PCDH9: variants seen among roughly 807,000 people sequenced by gnomAD.
PCDH9 encodes the protein protocadherin 9.
A neutral mutation model predicts 70.6 loss-of-function variants in PCDH9; 24 were observed. The observed-to-expected ratio is 0.34, with a 90% CI of 0.25 to 0.48. The LOEUF (loss-of-function observed/expected upper bound fraction) is 0.48. Ranked by LOEUF, PCDH9 falls within the 20% of genes least tolerant of loss-of-function variation. The pLI is 0.99. For synonymous variants in PCDH9, 562 were observed against 558.5 expected (o/e 1.01, Z -0.09); for missense variants, 1,281 against 1,503.6 (o/e 0.85, Z 2.45).
At chr13:66,772,929 A>C (rs979660729) in intron 3 of PCDH9, among the ~76,000 whole-genome samples, 1 of 152,100 alleles carries the variant, frequency 6.6e-6, no homozygotes, top group African/African-American at 2.4e-5. Flanking sequence ...AAAAAGTCTC[A>C]CAAGTATAGT....
At chr13:66,908,594 A>G (rs1329668712) in intron 2 of PCDH9, among the ~76,000 whole-genome samples, 1 of 152,176 alleles carries the variant, frequency 6.6e-6, no homozygotes, top group African/African-American at 2.4e-5. Flanking sequence ...ACATCTAGAA[A>G]CTAATAAAAT....
chr13:66,481,096 T>A (rs1958826749), intron 4 of PCDH9, among the ~76,000 whole-genome samples: 1 of 149,932 alleles, frequency 6.7e-6, no homozygotes, highest in Non-Finnish European at 1.5e-5. Flanking sequence ...TAAGTGGGAG[T>A]CGAACAATGA....
At chr13:67,014,780 C>T (rs2084525301) in intron 2 of PCDH9, among the ~76,000 whole-genome samples, 2 of 152,066 alleles carry the variant, frequency 1.3e-5, no homozygotes, top group Non-Finnish European at 2.9e-5. Context: ...ACTTCCATTG[C>T]CTCCATCCAC....
chr13:66,671,295 A>T (rs1308168430), intron 3 of PCDH9, among the ~76,000 whole-genome samples: 1 of 152,182 alleles, frequency 6.6e-6, no homozygotes, highest in Admixed American at 6.5e-5. Flanking sequence ...ATGGAATAAT[A>T]CAGTAATTTG....
chr13:66,853,226 A>AATG (rs1219082879), intron 3 of PCDH9, among the ~76,000 whole-genome samples: 1 of 150,296 alleles, frequency 6.7e-6, no homozygotes, highest in African/African-American at 2.4e-5. Flanking sequence ...TAATAATAAT[A>AATG]ATAATGATAA....
At chr13:66,712,126 A>T (rs1025111731) in intron 3 of PCDH9, among the ~76,000 whole-genome samples, 1 of 152,188 alleles carries the variant, frequency 6.6e-6, no homozygotes, top group Non-Finnish European at 1.5e-5. Context: ...AATAATATTT[A>T]ATTTGCCTGT....
chr13:66,694,640 G>A (rs2078533297), intron 3 of PCDH9, among the ~76,000 whole-genome samples: 1 of 151,620 alleles, frequency 6.6e-6, no homozygotes, highest in South Asian at 2.1e-4. Context: ...AAAGGAATAT[G>A]TATATAATAA....
chr13:66,841,294 G>GA (rs2081112402), intron 3 of PCDH9, among the ~76,000 whole-genome samples: 1 of 152,138 alleles, frequency 6.6e-6, no homozygotes, highest in East Asian at 1.9e-4. Flanking sequence ...ACATATGTAT[G>GA]AAAAAATCAG....
intron 3 of PCDH9, among the ~76,000 whole-genome samples, chr13:66,671,188 G>C (rs1191494114): frequency 6.6e-6 from 1 of 152,112 alleles, no homozygotes. Flanking sequence ...CTGCCACGAT[G>C]GTGAGGCTCC....
At chr13:67,011,226 C>T (rs1021584166) in intron 2 of PCDH9, among the ~76,000 whole-genome samples, 5 of 151,850 alleles carry the variant, frequency 3.3e-5, no homozygotes, top group African/African-American at 1.2e-4. Context: ...ATTAGGCACA[C>T]ACTACATTCA....
chr13:66,335,728 G>C (rs952139582), intron 4 of PCDH9, among the ~76,000 whole-genome samples: 1 of 152,106 alleles, frequency 6.6e-6, no homozygotes, highest in Non-Finnish European at 1.5e-5. Flanking sequence ...ACTGTGAAAT[G>C]TGGTTTGACT....
chr13:67,092,211 T>C (rs1421506723), intron 2 of PCDH9, among the ~76,000 whole-genome samples: 2 of 152,192 alleles, frequency 1.3e-5, no homozygotes, highest in African/African-American at 2.4e-5. Context: ...TAAATTTCTT[T>C]ATATCTATAT....
intron 4 of PCDH9, among the ~76,000 whole-genome samples, chr13:66,484,005 G>A (rs554546752): frequency 1.6e-4 from 24 of 152,208 alleles, no homozygotes; most frequent in South Asian, 8.3e-4. Flanking sequence ...GAGTTTGGCC[G>A]GGGCACTTGG....
rs372046330 is a variant in PCDH9 at position 66,870,595 on chromosome 13, T to C, written c.3138+32909A>G. Among the ~76,000 whole-genome samples, 22 of 152,164 alleles carry C rather than the reference T, an allele frequency of 1.4e-4. No homozygotes were observed. The East Asian group carries it at 1.9e-3, about 13-fold the overall frequency. ...GGGCAAAGGACATGAACAGACACTT[T>C]TCAAAAGAGGTTATTTATGCAGCCA... On this transcript the variant is annotated intron_variant, in intron 3 of 4. Coordinates refer to ENST00000377865, the MANE Select transcript of PCDH9 (RefSeq NM_203487.3).
intron 3 of PCDH9, among the ~76,000 whole-genome samples, chr13:66,682,397 T>TATCA (rs2078339925): frequency 1.4e-5 from 2 of 143,460 alleles, no homozygotes; most frequent in South Asian, 4.4e-4. Flanking sequence ...TCTATCTATC[T>TATCA]ATCATCTATC....
intron 2 of PCDH9, among the ~76,000 whole-genome samples, chr13:67,146,131 A>G (rs1350423069): frequency 6.6e-6 from 1 of 152,118 alleles, no homozygotes; most frequent in East Asian, 1.9e-4. Context: ...TCAACATAAA[A>G]TGACATTGAA....
intron 2 of PCDH9, among the ~76,000 whole-genome samples, chr13:66,909,428 A>G (rs776339895): frequency 4.6e-5 from 7 of 151,140 alleles, no homozygotes; most frequent in Admixed American, 1.3e-4. Flanking sequence ...CCTTTTTCAC[A>G]GAATTACAAA....
At chr13:66,371,513 G>C (rs1286815075) in intron 4 of PCDH9, among the ~76,000 whole-genome samples, 1 of 151,990 alleles carries the variant, frequency 6.6e-6, no homozygotes, top group Admixed American at 6.6e-5. Flanking sequence ...GGTATGTATT[G>C]AGGTATATTT....
intron 4 of PCDH9, among the ~76,000 whole-genome samples, chr13:66,330,761 A>G (rs180875225): frequency 1.2e-3 from 182 of 152,328 alleles, no homozygotes; most frequent in African/African-American, 4.2e-3. Flanking sequence ...TAATCATACA[A>G]TTCTGCATAA....
Sources: gnomAD v4.1 joint callset for allele counts (sites outside exome capture counted in the v4.1 genomes callset) on GRCh38, gnomAD v4.1.1 for gene constraint, MANE v1.5 for transcripts, NCBI Gene and HGNC (gene_info 2026-07-23, HGNC 2026-07-21) for gene names.